CLCNKA: variants seen among roughly 807,000 people sequenced by gnomAD.
CLCNKA encodes chloride voltage-gated channel Ka, also known as chloride channel protein ClC-Ka.
CLCNKA carries 66 observed loss-of-function variants against 83.3 expected under a neutral mutation model. That is an observed-to-expected ratio of 0.79 (90% CI 0.65 to 0.97). CLCNKA has a LOEUF of 0.97. Among genes scored for constraint, CLCNKA ranks in the 50% least tolerant of loss-of-function variants. The pLI is 0.00. For synonymous variants in CLCNKA, 357 were observed against 370.4 expected (o/e 0.96, Z 0.42); for missense variants, 806 against 888.7 (o/e 0.91, Z 1.18).
chr1:16,026,871 A>T lies in CLCNKA; in HGVS notation c.655+96A>T, dbSNP rs966110339. 6 of 1,493,582 alleles carry T rather than the reference A, an allele frequency of 4.0e-6. No individual in the cohort carries two copies. In the East Asian group the frequency reaches 1.4e-4, roughly 34 times the overall value. 92.5% of individuals were successfully genotyped at this position (1,493,582 alleles called of 1,614,324 possible). On this transcript the variant is annotated intron_variant, in intron 7 of 19. Coordinates refer to ENST00000331433, the MANE Select transcript of CLCNKA (RefSeq NM_004070.4). The stretch of plus-strand genomic sequence containing the variant: ...CCCAGCTGAGAGCCTGGAGGAGGGG[A>T]TGGGGCTCATTCTTGTTCTCACTTC...
At chr1:16,026,294 C>T (rs1172742787) in intron 5 of CLCNKA, 47 bp downstream of exon 5, 1 of 1,603,574 alleles carries the variant, frequency 6.2e-7, no homozygotes, top group East Asian at 2.3e-5. Flanking sequence ...CCACCCTACC[C>T]TGCCCCAGCT....
chr1:16,029,921 G>A lies in CLCNKA; in HGVS notation c.1298-44G>A, dbSNP rs761878489. The A allele has an allele frequency of 6.9e-6, 11 of 1,597,174 alleles. No homozygotes were observed. The East Asian group carries it at 2.0e-4, about 29-fold the overall frequency. The stretch of plus-strand genomic sequence containing the variant: ...GTCCTCAGGGATGGAGGGCTGTGGG[G>A]GCCGGGTCAGCCTGGCTCCCCCTCA... On this transcript the variant is annotated intron_variant, in intron 13 of 19. Transcript: ENST00000331433.
chr1:16,026,300 C>CCCCAAA, intron 5 of CLCNKA, 53 bp downstream of exon 5: 1 of 1,601,062 alleles, frequency 6.2e-7, no homozygotes, highest in African/African-American at 1.3e-5. Context: ...TACCCTGCCC[C>CCCCAAA]AGCTCTCCCC....
intron 14 of CLCNKA, 23 bp downstream of exon 14, chr1:16,030,098 G>A (rs1240516421): frequency 6.5e-7 from 1 of 1,537,290 alleles, no homozygotes; most frequent in Non-Finnish European, 9.0e-7. Context: ...CGGCCCTGCT[G>A]GGTGGGCAAT....
rs2022515757 is a variant in CLCNKA, at chr1:16,029,299, G to T, written c.1227G>T (p.Lys409Asn). 1.2e-6 allele frequency: 2 copies of T among 1,613,620 alleles called. No homozygotes were observed. Among genetic ancestry groups the T allele is most frequent in the Admixed American group, 1.7e-5 (1 of 59,996 alleles). ...CCCTTGCCTTCTTCCTGGTTATGAA[G>T]GTGGGCCCCCTGACCCCCAGGTGTG... is the stretch of plus-strand genomic sequence containing the variant. ...FGTLAFFLVM[K>N]FWMLILATTI... Residue 409 changes from lysine (K) to asparagine (N), a missense_variant and splice_region_variant, in exon 12 of 20, where the codon AAG (lysine) becomes AAT (asparagine). Coordinates refer to ENST00000331433, the MANE Select transcript of CLCNKA (RefSeq NM_004070.4).
chr1:16,027,979 T>C, intron 9 of CLCNKA, 39 bp from the exon 10 acceptor site: 1 of 1,614,078 alleles, frequency 6.2e-7, no homozygotes, highest in Non-Finnish European at 8.5e-7. Flanking sequence ...CCCCTGGTAC[T>C]GGGGTCAGGC....
Position 16,031,817 on chromosome 1 carries a change from C to A in CLCNKA, c.1730C>A (p.Thr577Asn), listed in dbSNP as rs1557456721. 6.2e-7 allele frequency: 1 copy of A among 1,613,910 alleles called. No homozygotes were observed. Among genetic ancestry groups the A allele is most frequent in the Non-Finnish European group, 8.5e-7 (1 of 1,180,034 alleles). The change falls in exon 16 of 20, where the codon ACC becomes AAC. Residue 577 changes from threonine to asparagine, a missense_variant. Transcript: ENST00000331433. ...AAGGTTGTGACCTCCACAGACGTGA[C>A]CGAGTATCCCCTGGTGGAGAGCACA... ...VVKVVTSTDV[T>N]EYPLVESTES... is the part of the protein sequence containing the mutation.
chr1:16,031,595 T>C (rs187704926), intron 15 of CLCNKA, 115 bp from the exon 16 acceptor site: 4 of 1,483,120 alleles, frequency 2.7e-6, no homozygotes, highest in East Asian at 2.4e-5. Context: ...CCAGCCCTGC[T>C]CACACTCCAG....
At chr1:16,032,569 AG>A (rs2124059676) in intron 18 of CLCNKA, 43 bp downstream of exon 18, 1 of 1,466,172 alleles carries the variant, frequency 6.8e-7, no homozygotes, top group African/African-American at 1.4e-5. Flanking sequence ...CCCCCGGGGC[AG>A]GGCAAGAGCT....
At chr1:16,025,036 A>T (rs2022293988) in intron 4 of CLCNKA, 145 bp downstream of exon 4, 1 of 1,106,868 alleles carries the variant, frequency 9.0e-7, no homozygotes, top group Non-Finnish European at 1.3e-6. Context: ...ACACAGCAAG[A>T]AGGCCAGATC....
intron 15 of CLCNKA, among the ~76,000 whole-genome samples, 195 bp from the exon 16 acceptor site, chr1:16,031,514 GC>G (rs1371181872): frequency 6.6e-6 from 1 of 152,160 alleles, no homozygotes; most frequent in Non-Finnish European, 1.5e-5. Context: ...TTGGAACTGG[GC>G]CATCAGTAAT....
In CLCNKA at chr1:16,029,976, G is replaced by A. The variant is rs768997194; in HGVS notation, c.1309G>A (p.Gly437Arg). The A allele has an allele frequency of 5.3e-5, 86 of 1,611,306 alleles. No individual in the cohort carries two copies. The highest frequency in any genetic ancestry group is 7.0e-5 in the Non-Finnish European group (83 of 1,177,898). ...AAGTCTGTGGCCAGGAGCTGCCATC[G>A]GGCGCCTCTTGGGAGAGGCTCTTGC... ...MPIFILGAAIGRLLGEALAVA... is the reference protein window; with the variant it reads ...MPIFILGAAIRRLLGEALAVA... Residue 437 changes from glycine to arginine, a missense_variant, in exon 14 of 20, where the codon GGG (glycine) becomes AGG (arginine). By Grantham distance (125) the Gly-to-Arg change is moderately radical. Coordinates refer to ENST00000331433, the MANE Select transcript of CLCNKA (RefSeq NM_004070.4).
intron 10 of CLCNKA, 75 bp from the exon 11 acceptor site, chr1:16,028,686 G>A (rs778503252): frequency 6.4e-7 from 1 of 1,567,370 alleles, no homozygotes; most frequent in East Asian, 2.2e-5. Context: ...CTGCTGCCTG[G>A]ACCAGGTCCT....
chr1:16,031,848 C>T lies in CLCNKA; in HGVS notation c.1756+5C>T, dbSNP rs746161703. On this transcript the variant is annotated splice_donor_5th_base_variant and intron_variant, in intron 16 of 19. Coordinates refer to ENST00000331433, the MANE Select transcript of CLCNKA (RefSeq NM_004070.4). ...ATCCCCTGGTGGAGAGCACAGGTGC[C>T]CAGCTGGAAGGGAGGAGGAAGTCGG... is the stretch of plus-strand genomic sequence containing the variant. 12 of 1,613,610 alleles carry T rather than the reference C, an allele frequency of 7.4e-6. No homozygotes were observed. Among genetic ancestry groups the T allele is most frequent in the Non-Finnish European group, 1.0e-5 (12 of 1,180,018 alleles).
At position 16,028,127 on chromosome 1, in the gene CLCNKA, CTG is replaced by C. The variant is rs745876845; in HGVS notation, c.968+9_968+10del. 1 of 1,612,678 alleles carries C rather than the reference CTG, an allele frequency of 6.2e-7. No individual in the cohort carries two copies. ...CAAACTGCTGGCTACTAGGTAGGCT[CTG>C]GGCTAGGGGCTGGGGACATCTCAGT... On this transcript the variant is annotated intron_variant, in intron 10 of 19. Transcript: ENST00000331433.
intron 12 of CLCNKA, 131 bp downstream of exon 12, chr1:16,029,430 C>T: frequency 2.1e-6 from 3 of 1,395,558 alleles, no homozygotes; most frequent in Admixed American, 1.9e-5. Context: ...TGCCCCCTGC[C>T]CACTGCATGG....
chr1:16,023,772 A>G (rs2022232811), intron 2 of CLCNKA, 28 bp from the exon 3 acceptor site: 4 of 1,612,530 alleles, frequency 2.5e-6, no homozygotes, highest in Non-Finnish European at 3.4e-6. Flanking sequence ...GCCCCAACAT[A>G]AGCTGGGACT....
chr1:16,022,792 C>T (rs1363531101), intron 2 of CLCNKA, 73 bp downstream of exon 2: 16 of 1,099,482 alleles, frequency 1.5e-5, no homozygotes, highest in Middle Eastern at 2.1e-4. Context: ...TCCCACCCCA[C>T]CTCTCTGCCC....
At position 16,031,712 on chromosome 1, in the gene CLCNKA, C is replaced by T; in HGVS notation, c.1625C>T (p.Ser542Phe). The T allele has an allele frequency of 6.2e-7, 1 of 1,613,702 alleles. No homozygotes were observed. The highest frequency in any genetic ancestry group is 8.5e-7 in the Non-Finnish European group (1 of 1,180,016). ...GATGGGAGCCCCTCTGCCTGCAGCTCCCACCATGTGAGGGTGGAGCACTTC... is the reference window on the plus strand; with the variant it reads ...GATGGGAGCCCCTCTGCCTGCAGCTTCCACCATGTGAGGGTGGAGCACTTC... ...LPRILGRNIGSHHVRVEHFMN... is the reference protein window; with the variant it reads ...LPRILGRNIGFHHVRVEHFMN... The change falls in exon 16 of 20, where the codon TCC becomes TTC. Residue 542 changes from serine to phenylalanine, a missense_variant and splice_region_variant. Transcript: ENST00000331433.
Sources: gnomAD v4.1 joint callset for allele counts (sites outside exome capture counted in the v4.1 genomes callset) on GRCh38, gnomAD v4.1.1 for gene constraint, MANE v1.5 for transcripts, NCBI Gene and HGNC (gene_info 2026-07-23, HGNC 2026-07-21) for gene names.